The following ZYG11A variants were observed in gnomAD, a reference collection of about 807,000 sequenced individuals.
The protein encoded by ZYG11A is protein zyg-11 homolog A.
In ZYG11A, 62 loss-of-function variants were observed where a neutral mutation model predicts 77.2. The ratio of observed to expected loss-of-function variants is 0.80; its 90% CI spans 0.65 to 0.99. The LOEUF (loss-of-function observed/expected upper bound fraction) is 0.99, where lower values mean the gene tolerates loss of function less well. Ranked by LOEUF, ZYG11A falls within the 50% of genes least tolerant of loss-of-function variation. The pLI, the probability that ZYG11A is intolerant of heterozygous loss-of-function variation, is 0.00. For missense variants in ZYG11A, 828 were observed against 896.8 expected (o/e 0.92, Z 0.98); for synonymous variants, 315 against 324.6 (o/e 0.97, Z 0.32).
intron 4 of ZYG11A, among the ~76,000 whole-genome samples, chr1:52,863,315 G>C (rs945524003): frequency 6.6e-6 from 1 of 152,074 alleles, no homozygotes; most frequent in African/African-American, 2.4e-5. Context: ...CTAATGTTTT[G>C]TTTTACCATT....
rs1645770700 is a variant in ZYG11A, at chr1:52,854,497, C to T, written c.123C>T (p.Ile41=). The change falls in exon 2 of 14, where the codon ATC becomes ATT. Residue 41 remains isoleucine (I), a synonymous_variant. Coordinates refer to ENST00000371528, the MANE Select transcript of ZYG11A (RefSeq NM_001004339.3). ...EEASPYTLVN[I]CLNVLIANLE... ...CATCTCCCTACACTTTGGTCAACAT[C>T]TGCCTGAATGTCCTGATTGCTAACC... 1 of 1,550,336 alleles carries T rather than the reference C, an allele frequency of 6.5e-7. No individual in the cohort carries two copies. The highest frequency in any genetic ancestry group is 8.7e-7 in the Non-Finnish European group (1 of 1,145,894).
At chr1:52,846,957 C>G (rs188945432) in intron 1 of ZYG11A, among the ~76,000 whole-genome samples, 1 of 151,458 alleles carries the variant, frequency 6.6e-6, no homozygotes, top group East Asian at 1.9e-4. Flanking sequence ...ACGCCATTCT[C>G]CTGCCTCAGT....
At chr1:52,851,096 G>C (rs1346608081) in intron 1 of ZYG11A, among the ~76,000 whole-genome samples, 1 of 152,022 alleles carries the variant, frequency 6.6e-6, no homozygotes, top group Non-Finnish European at 1.5e-5. Context: ...GAGTGGAGGG[G>C]CGCAATCACG....
chr1:52,877,916 T>G lies in ZYG11A; in HGVS notation c.1705-9T>G, dbSNP rs1646290648. The G allele has an allele frequency of 6.4e-7, 1 of 1,551,586 alleles. No homozygotes were observed. The highest frequency in any genetic ancestry group is 1.4e-5 in the African/African-American group (1 of 73,054). ...TAAAGTAACCTGTATGTATATATTT[T>G]TTTGACAGACCTTTTCAGAGTCAGC... On this transcript the variant is annotated splice_polypyrimidine_tract_variant and intron_variant, in intron 9 of 13. Transcript: ENST00000371528.
intron 8 of ZYG11A, among the ~76,000 whole-genome samples, chr1:52,869,016 G>A (rs1240688703): frequency 1.3e-5 from 2 of 151,916 alleles, no homozygotes; most frequent in Admixed American, 6.6e-5. Context: ...TGTATTTTTA[G>A]TAGAGACAGA....
rs926442710 is a variant in ZYG11A, at chr1:52,876,348, A to G, written c.1543-1334A>G. On this transcript the variant is annotated intron_variant, in intron 8 of 13. Coordinates refer to ENST00000371528, the MANE Select transcript of ZYG11A (RefSeq NM_001004339.3). ...GTTTAACTCAGGTAGGAGTTTTGCC[A>G]TATAATATAATGCAGGAACATATCC... Among the ~76,000 whole-genome samples the G allele has an allele frequency of 4.6e-5, 7 of 152,162 alleles. No individual in the cohort carries two copies. In the South Asian group the frequency reaches 8.3e-4, roughly 18 times the overall value.
At chr1:52,851,446 G>A (rs1214014722) in intron 1 of ZYG11A, among the ~76,000 whole-genome samples, 1 of 152,080 alleles carries the variant, frequency 6.6e-6, no homozygotes, top group Non-Finnish European at 1.5e-5. Context: ...CACCCAGGCT[G>A]GAATGTAGTG....
At chr1:52,847,227 C>G (rs1018803067) in intron 1 of ZYG11A, among the ~76,000 whole-genome samples, 10 of 152,094 alleles carry the variant, frequency 6.6e-5, no homozygotes. Flanking sequence ...CCACCACACT[C>G]TGCTAATTTT....
chr1:52,858,490 A>G (rs918717983), intron 3 of ZYG11A, among the ~76,000 whole-genome samples: 1 of 149,750 alleles, frequency 6.7e-6, no homozygotes, highest in African/African-American at 2.5e-5. Context: ...TTTTTAGTAG[A>G]GACGGGGTTT....
chr1:52,855,723 C>T (rs1017989090), intron 2 of ZYG11A, among the ~76,000 whole-genome samples: 8 of 152,290 alleles, frequency 5.3e-5, no homozygotes, highest in Middle Eastern at 3.4e-3. Context: ...TCACATTGTG[C>T]AACATGTATA....
chr1:52,876,532 T>C (rs1051947221), intron 8 of ZYG11A, among the ~76,000 whole-genome samples: 4 of 152,180 alleles, frequency 2.6e-5, no homozygotes, highest in African/African-American at 9.7e-5. Flanking sequence ...TCTGTCATAG[T>C]AGTAATAGTG....
Position 52,857,122 on chromosome 1 carries a change from C to G in ZYG11A, c.381C>G (p.Leu127=). The G allele has an allele frequency of 6.4e-7, 1 of 1,551,848 alleles. No homozygotes were observed. Among genetic ancestry groups the G allele is most frequent in the Non-Finnish European group, 8.7e-7 (1 of 1,147,036 alleles). The change falls in exon 3 of 14, where the codon CTC becomes CTG. Residue 127 remains leucine, a synonymous_variant. Coordinates refer to ENST00000371528, the MANE Select transcript of ZYG11A (RefSeq NM_001004339.3). The stretch of plus-strand genomic sequence containing the variant: ...TAAAAGCCTTCTGCCGTCATAAGCT[C>G]ATTGAACTGAATGCTACTGCAGTGC... ...AFIKAFCRHK[L]IELNATAVHA...
At chr1:52,887,864 C>T (rs1159666952) in intron 13 of ZYG11A, among the ~76,000 whole-genome samples, 1 of 151,954 alleles carries the variant, frequency 6.6e-6, no homozygotes, top group Non-Finnish European at 1.5e-5. Context: ...AATAAAATCC[C>T]CTTTGAGAAT....
intron 8 of ZYG11A, among the ~76,000 whole-genome samples, chr1:52,870,945 A>T (rs985738000): frequency 2.0e-5 from 3 of 152,090 alleles, no homozygotes; most frequent in African/African-American, 7.2e-5. Context: ...GCCTTTGACT[A>T]TGATATTGGG....
chr1:52,885,815 C>G lies in ZYG11A; in HGVS notation c.1945-18C>G. On this transcript the variant is annotated intron_variant, in intron 11 of 13. Coordinates refer to ENST00000371528, the MANE Select transcript of ZYG11A (RefSeq NM_001004339.3). ...GGATTATTCAAATGTTGGTTTCTCT[C>G]TCTTGTTTTTGGAGTAGCATGCAAC... 6.6e-7 allele frequency: 1 copy of G among 1,516,878 alleles called. No individual in the cohort carries two copies. Among genetic ancestry groups the G allele is most frequent in the African/African-American group, 1.4e-5 (1 of 71,192 alleles). 94.0% of individuals were successfully genotyped at this position (1,516,878 alleles called of 1,614,324 possible).
intron 10 of ZYG11A, 113 bp from the exon 11 acceptor site, chr1:52,881,358 G>A: frequency 1.4e-6 from 1 of 719,242 alleles, no homozygotes; most frequent in Admixed American, 3.2e-5. Context: ...GCGGGTATAA[G>A]AATAAGAGTT....
chr1:52,881,316 G>A, intron 10 of ZYG11A, 155 bp from the exon 11 acceptor site: 3 of 549,342 alleles, frequency 5.5e-6, no homozygotes, highest in Non-Finnish European at 9.7e-6. Flanking sequence ...AAGGGAGTTG[G>A]ATTGTGGGTT....
At chr1:52,849,917 C>T (rs1415623507) in intron 1 of ZYG11A, among the ~76,000 whole-genome samples, 2 of 151,980 alleles carry the variant, frequency 1.3e-5, no homozygotes, top group African/African-American at 4.8e-5. Context: ...ATCTGCCGAC[C>T]TCGTGATCCG....
Position 52,867,772 on chromosome 1 carries a change from G to T in ZYG11A, c.1537G>T (p.Val513Phe), listed in dbSNP as rs574301787. 33 of 1,551,080 alleles carry T rather than the reference G, an allele frequency of 2.1e-5. No individual in the cohort carries two copies. Among genetic ancestry groups the T allele is most frequent in the East Asian group, 1.2e-4 (5 of 40,888 alleles). The change falls in exon 8 of 14, where the codon GTT becomes TTT. Residue 513 changes from valine to phenylalanine, a missense_variant. Val to Phe is a conservative substitution (Grantham distance 50, BLOSUM62 -1). Transcript: ENST00000371528. The stretch of plus-strand genomic sequence containing the variant: ...ACAGCTTGAAGAGCTTTTCATGGCA[G>T]TTAAGGTAGGTTCCTTGTCATGTTC... ...TAQLEELFMA[V>F]KELLAIVKQK... is the part of the protein sequence containing the mutation.
Sources: allele counts gnomAD v4.1 joint callset (sites outside exome capture counted in the v4.1 genomes callset), GRCh38; gene constraint gnomAD v4.1.1; transcripts MANE v1.5; gene names NCBI Gene and HGNC (gene_info 2026-07-23, HGNC 2026-07-21).